Variants in MEGF10 observed in about 807,000 individuals in gnomAD.
The protein encoded by MEGF10 is multiple EGF like domains 10.
In MEGF10, 86 loss-of-function variants were observed where a neutral mutation model predicts 147.5. The observed-to-expected ratio is 0.58, with a 90% CI of 0.49 to 0.70. MEGF10 has a LOEUF of 0.70. Among genes scored for constraint, MEGF10 ranks in the 30% least tolerant of loss-of-function variants. The pLI, the probability that MEGF10 is intolerant of heterozygous loss-of-function variation, is 0.00. For synonymous variants in MEGF10, 478 were observed against 525.5 expected, an observed-to-expected ratio of 0.91 and a Z score of 1.24; for missense variants, 1,329 against 1,487.3, an observed-to-expected ratio of 0.89 and a Z score of 1.75.
chr5:127,345,768 G>A (rs372349600), intron 4 of MEGF10, among the ~76,000 whole-genome samples: 6 of 152,006 alleles, frequency 3.9e-5, no homozygotes, highest in Non-Finnish European at 7.4e-5. Context: ...CTTTATTGGC[G>A]AATTCTGAGA....
At chr5:127,315,625 T>C (rs1760512701) in intron 1 of MEGF10, among the ~76,000 whole-genome samples, 1 of 151,936 alleles carries the variant, frequency 6.6e-6, no homozygotes, top group African/African-American at 2.4e-5. Flanking sequence ...AATACAAAAA[T>C]TAGCCAGGTG....
chr5:127,320,037 G>A (rs1238408482), intron 1 of MEGF10, among the ~76,000 whole-genome samples: 1 of 152,150 alleles, frequency 6.6e-6, no homozygotes, highest in Admixed American at 6.6e-5. Context: ...TTCTGCTAAA[G>A]GCTATGTTCA....
Position 127,393,025 on chromosome 5 carries a change from A to T in MEGF10, c.413-3507A>T, listed in dbSNP as rs1763764199. On this transcript the variant is annotated intron_variant, in intron 5 of 24. Coordinates refer to ENST00000503335, the MANE Select transcript of MEGF10 (RefSeq NM_001256545.2). Reference sequence around the variant, plus strand: ...AGTCGGCACTTGCTCACTAGCATTTAGGTCACTTTCAATTTAATCTGAAAT... The same window carrying T: ...AGTCGGCACTTGCTCACTAGCATTTTGGTCACTTTCAATTTAATCTGAAAT... Among the ~76,000 whole-genome samples the T allele has an allele frequency of 2.6e-5, 4 of 152,348 alleles. No homozygotes were observed. The South Asian group carries it at 6.2e-4, about 24-fold the overall frequency.
At chr5:127,403,300 A>AT (rs971233906) in intron 8 of MEGF10, among the ~76,000 whole-genome samples, 1 of 151,412 alleles carries the variant, frequency 6.6e-6, no homozygotes, top group African/African-American at 2.4e-5. Flanking sequence ...TTTTATTTTT[A>AT]TTTTTTTTGT....
intron 1 of MEGF10, among the ~76,000 whole-genome samples, chr5:127,323,313 C>G (rs949341666): frequency 2.0e-5 from 3 of 152,198 alleles, no homozygotes; most frequent in African/African-American, 7.2e-5. Context: ...GTCAATTCTT[C>G]TAGAAAGTCA....
chr5:127,369,913 A>G lies in MEGF10; in HGVS notation c.323A>G (p.His108Arg). 6.2e-7 allele frequency: 1 copy of G among 1,604,670 alleles called. No homozygotes were observed. The highest frequency in any genetic ancestry group is 8.5e-7 in the Non-Finnish European group (1 of 1,174,744). The change falls in exon 5 of 25, where the codon CAC becomes CGC. Residue 108 changes from histidine to arginine, a missense_variant. Transcript: ENST00000503335. ...TGATTGATTTTCTCTCTGACAGCCC[A>G]CTGTGCTGATAAATGTGTCCATGGT... ...FYESGEMCVP[H>R]CADKCVHGRC... is the part of the protein sequence containing the mutation.
chr5:127,381,536 T>TTA (rs2126885807), intron 5 of MEGF10, among the ~76,000 whole-genome samples: 1 of 152,368 alleles, frequency 6.6e-6, no homozygotes, highest in African/African-American at 2.4e-5. Context: ...CCTCTCCTAC[T>TTA]GTCTTGGGCT....
At chr5:127,326,797 T>C (rs1761054701) in intron 1 of MEGF10, among the ~76,000 whole-genome samples, 1 of 152,204 alleles carries the variant, frequency 6.6e-6, no homozygotes. Context: ...CTTAGCGATA[T>C]GTGAGTAGCA....
At position 127,455,552 on chromosome 5, in the gene MEGF10, C is replaced by A; in HGVS notation, c.3177C>A (p.Ser1059=). 1 of 1,614,046 alleles carries A rather than the reference C, an allele frequency of 6.2e-7. No homozygotes were observed. Among genetic ancestry groups the A allele is most frequent in the East Asian group, 2.2e-5 (1 of 44,848 alleles). ...VEMKSPARRD[S]PYAEINNSTS... is the part of the protein sequence containing the mutation. ...TGAAATCGCCGGCACGAAGAGATTC[C>A]CCATATGCAGAGATCAATAACTCAA... Residue 1059 remains serine, a synonymous_variant, in exon 24 of 25, where the codon TCC becomes TCA. Transcript: ENST00000503335.
At chr5:127,343,774 G>T (rs1277392372) in intron 4 of MEGF10, among the ~76,000 whole-genome samples, 2 of 151,834 alleles carry the variant, frequency 1.3e-5, no homozygotes, top group African/African-American at 4.8e-5. Context: ...AACATAGGGA[G>T]ACCCCGTCTC....
chr5:127,242,663 T>C, the MEGF10 span, among the ~76,000 whole-genome samples: 1 of 151,908 alleles, frequency 6.6e-6, no homozygotes, highest in Non-Finnish European at 1.5e-5. Context: ...TGTTTTTTAT[T>C]TTTTTTTAGT....
At chr5:127,354,589 C>T (rs752556881) in intron 4 of MEGF10, among the ~76,000 whole-genome samples, 1 of 152,120 alleles carries the variant, frequency 6.6e-6, no homozygotes, top group African/African-American at 2.4e-5. Flanking sequence ...CCGAGTGCGC[C>T]TCATTTGCCA....
upstream of MEGF10, among the ~76,000 whole-genome samples, chr5:127,287,669 G>A (rs1759071096): frequency 6.6e-6 from 1 of 151,918 alleles, no homozygotes; most frequent in Non-Finnish European, 1.5e-5. Context: ...TTGATCAATG[G>A]ATTCAAGGCA....
chr5:127,236,549 C>T, the MEGF10 span, among the ~76,000 whole-genome samples: 1 of 152,176 alleles, frequency 6.6e-6, no homozygotes, highest in African/African-American at 2.4e-5. Context: ...CATCTCCTAC[C>T]CAGTATTCTG....
At chr5:127,246,985 A>AATATATATATATATAT in the MEGF10 span, among the ~76,000 whole-genome samples, 746 of 104,098 alleles carry the variant, frequency 7.2e-3, 33 homozygotes, top group African/African-American at 0.028. Flanking sequence ...GTATAAAAAG[A>AATATATATATATATAT]ATATATATAT....
chr5:127,253,184 C>A, the MEGF10 span, among the ~76,000 whole-genome samples: 8 of 151,870 alleles, frequency 5.3e-5, no homozygotes, highest in South Asian at 2.1e-4. Flanking sequence ...GGTGACTTTT[C>A]CACCTATTGA....
intron 1 of MEGF10, among the ~76,000 whole-genome samples, chr5:127,315,927 G>T (rs192944299): frequency 2.6e-5 from 4 of 152,254 alleles, no homozygotes; most frequent in Admixed American, 6.5e-5. Flanking sequence ...TCTTTCAGTT[G>T]CTGTAGACCG....
rs1377668804 is a variant in MEGF10 at position 127,290,896 on chromosome 5, C to T, written c.-179C>T. 1 of 152,274 alleles carries T rather than the reference C, an allele frequency of 6.6e-6. No individual in the cohort carries two copies. The highest frequency in any genetic ancestry group is 1.5e-5 in the Non-Finnish European group (1 of 68,082). 9.4% of individuals were successfully genotyped at this position (152,274 alleles called of 1,614,324 possible). On this transcript the variant is annotated 5_prime_UTR_variant, in exon 1 of 25. Coordinates refer to ENST00000503335, the MANE Select transcript of MEGF10 (RefSeq NM_001256545.2). ...GAGACGTTCCTCTTTCCCGCTTCTC[C>T]ACCTTTACGCCTGAAAGAAGACTCC...
At chr5:127,445,358 A>G (rs1292677721) in intron 19 of MEGF10, 99 bp from the exon 20 acceptor site, 1 of 821,116 alleles carries the variant, frequency 1.2e-6, no homozygotes, top group Non-Finnish European at 2.0e-6. Context: ...TGAACTGAAA[A>G]TATGCAGGCA....
Sources: allele counts gnomAD v4.1 joint callset (sites outside exome capture counted in the v4.1 genomes callset), GRCh38; gene constraint gnomAD v4.1.1; transcripts MANE v1.5; gene names NCBI Gene and HGNC (gene_info 2026-07-23, HGNC 2026-07-21).